Variants in STOX1 observed in about 807,000 individuals in gnomAD.
The protein encoded by STOX1 is storkhead-box protein 1.
Under a neutral mutation model 74.8 loss-of-function variants are expected in STOX1, and 57 were observed. The ratio of observed to expected loss-of-function variants is 0.76; its 90% CI spans 0.62 to 0.95. STOX1 has a LOEUF of 0.95. STOX1 is among the 40% of genes least tolerant of loss of function. The pLI is 0.00. For synonymous variants in STOX1, 375 were observed against 401.3 expected (o/e 0.93, Z 0.78); for missense variants, 1,010 against 1,117.0 (o/e 0.90, Z 1.37).
intron 1 of STOX1, among the ~76,000 whole-genome samples, chr10:68,856,809 AG>A (rs1840137012): frequency 6.6e-6 from 1 of 152,090 alleles, no homozygotes. Flanking sequence ...CTCATCTCTA[AG>A]AATTTCCAGG....
At chr10:68,863,212 A>G (rs1390234114) in intron 1 of STOX1, among the ~76,000 whole-genome samples, 1 of 152,114 alleles carries the variant, frequency 6.6e-6, no homozygotes, top group Non-Finnish European at 1.5e-5. Flanking sequence ...TACAGGCTAT[A>G]GAAGTGGTGG....
intron 1 of STOX1, among the ~76,000 whole-genome samples, chr10:68,862,357 CAA>C (rs984872991): frequency 4.6e-5 from 7 of 152,042 alleles, no homozygotes; most frequent in African/African-American, 7.3e-5. Context: ...AGAGGTCACA[CAA>C]GAGAACGATC....
At chr10:68,836,735 C>T (rs1220300972) in intron 1 of STOX1, among the ~76,000 whole-genome samples, 1 of 152,202 alleles carries the variant, frequency 6.6e-6, no homozygotes, top group African/African-American at 2.4e-5. Context: ...TGAACGGCTT[C>T]CTGCTCACTT....
intron 1 of STOX1, among the ~76,000 whole-genome samples, chr10:68,850,445 A>G (rs1019960873): frequency 5.9e-5 from 9 of 152,208 alleles, no homozygotes; most frequent in Admixed American, 1.3e-4. Flanking sequence ...AAAGTGCTGT[A>G]GAGCTCATTG....
At chr10:68,864,496 G>A (rs770770901) in intron 1 of STOX1, among the ~76,000 whole-genome samples, 36 of 152,186 alleles carry the variant, frequency 2.4e-4, no homozygotes, top group African/African-American at 8.0e-4. Context: ...TTCTGCCTTC[G>A]TGAGAGGGAC....
At chr10:68,851,254 C>G (rs1163180) in intron 1 of STOX1, among the ~76,000 whole-genome samples, 9,000 of 144,710 alleles carry the variant, frequency 0.062, 317 homozygotes, top group Middle Eastern at 0.11. Flanking sequence ...AGTGAGCTGT[C>G]ATTGTATCAC....
Position 68,885,851 on chromosome 10 carries a change from A to G in STOX1, c.2055A>G (p.Ala685=). The stretch of plus-strand genomic sequence containing the variant: ...GCGTGAACCCTTTAAGACAAGCTGC[A>G]AGACAAGACAAAGACTCAGAAGAAT... ...PVGVNPLRQA[A]RQDKDSEELL... Residue 685 remains alanine, a synonymous_variant, in exon 3 of 4, where the codon GCA becomes GCG. Transcript: ENST00000298596. The G allele has an allele frequency of 3.1e-6, 5 of 1,614,096 alleles. No individual in the cohort carries two copies. The highest frequency in any genetic ancestry group is 4.2e-6 in the Non-Finnish European group (5 of 1,180,044).
chr10:68,854,097 G>A (rs1308755768), intron 1 of STOX1, among the ~76,000 whole-genome samples: 1 of 151,930 alleles, frequency 6.6e-6, no homozygotes, highest in Non-Finnish European at 1.5e-5. Flanking sequence ...CCAGGTTCAA[G>A]TGATTCCCCT....
chr10:68,852,248 G>GATTTTTTTTTTTTTTT lies in STOX1; in HGVS notation c.310+24315_310+24316insATTTTTTTTTTTTTTT, dbSNP rs200461358. On this transcript the variant is annotated intron_variant, in intron 1 of 3. Transcript: ENST00000298596. ...TATGAGTTTAAGTTTTTCTCTTACTGCTTTTTTTTTTTTTTTTTTTTGAGA... is the reference window on the plus strand; with the variant it reads ...TATGAGTTTAAGTTTTTCTCTTACTGATTTTTTTTTTTTTTTCTTTTTTTTTTTTTTTTTTTTGAGA... 2.3e-5 allele frequency among the ~76,000 whole-genome samples: 3 copies of GATTTTTTTTTTTTTTT among 132,210 alleles called. 1 individual carries two copies. The highest frequency in any genetic ancestry group is 1.6e-5 in the Non-Finnish European group (1 of 62,218). 86.7% of individuals were successfully genotyped at this position (132,210 alleles called of 152,430 possible). A position where few individuals can be genotyped will look rare whatever the true frequency, so the allele number is the denominator to read the frequency against.
In STOX1 at chr10:68,884,894, C is replaced by A; in HGVS notation, c.1098C>A (p.Asn366Lys). 1 of 1,613,994 alleles carries A rather than the reference C, an allele frequency of 6.2e-7. No individual in the cohort carries two copies. Among genetic ancestry groups the A allele is most frequent in the Non-Finnish European group, 8.5e-7 (1 of 1,179,966 alleles). The change falls in exon 3 of 4, where the codon AAC (asparagine) becomes AAA (lysine). Residue 366 changes from asparagine to lysine, a missense_variant. Transcript: ENST00000298596. ...AACATGAGATAATCAAACGAATTAA[C>A]CCCATTTTGACTGTTGACAATTTAA... is the stretch of plus-strand genomic sequence containing the variant. ...DVEHEIIKRI[N>K]PILTVDNLIK...
chr10:68,870,252 T>G (rs80135447), intron 1 of STOX1, among the ~76,000 whole-genome samples: 2,546 of 152,274 alleles, frequency 0.017, 71 homozygotes, highest in African/African-American at 0.058. Context: ...TGACTAGACC[T>G]GTTAGTCACT....
Position 68,839,874 on chromosome 10 carries a change from C to CAAACA in STOX1, c.310+11965_310+11969dup, listed in dbSNP as rs759884305. On this transcript the variant is annotated intron_variant, in intron 1 of 3. Coordinates refer to ENST00000298596, the MANE Select transcript of STOX1 (RefSeq NM_152709.5). Reference sequence around the variant, plus strand: ...CACTACACAGAGTGAGACTCCGTTTCAAACAAAACAAAACAAAACAAAACA... The same window carrying CAAACA: ...CACTACACAGAGTGAGACTCCGTTTCAAACAAAACAAAACAAAACAAAACAAAACA... Among the ~76,000 whole-genome samples the CAAACA allele has an allele frequency of 1.2e-3, 189 of 151,938 alleles. 2 individuals carry two copies. In the South Asian group the frequency reaches 0.015, roughly 12 times the overall value.
chr10:68,860,569 C>CAAAA (rs11353333), intron 1 of STOX1, among the ~76,000 whole-genome samples: 12 of 63,590 alleles, frequency 1.9e-4, no homozygotes, highest in African/African-American at 2.5e-4. Flanking sequence ...GACTCTGTCT[C>CAAAA]AAAAAAAAAA....
At chr10:68,855,986 C>T (rs1840116771) in intron 1 of STOX1, among the ~76,000 whole-genome samples, 1 of 152,088 alleles carries the variant, frequency 6.6e-6, no homozygotes, top group Non-Finnish European at 1.5e-5. Context: ...GGACCATCCC[C>T]TACTGTCTGT....
chr10:68,880,164 C>CTTTTTTTTTT (rs71028800), intron 1 of STOX1, among the ~76,000 whole-genome samples: 93 of 124,364 alleles, frequency 7.5e-4, no homozygotes, highest in Non-Finnish European at 9.0e-4. Context: ...TCTTTCTTTC[C>CTTTTTTTTTT]TTTTTTTTTT....
chr10:68,859,301 G>A (rs1219138908), intron 1 of STOX1, among the ~76,000 whole-genome samples: 1 of 152,116 alleles, frequency 6.6e-6, no homozygotes, highest in Non-Finnish European at 1.5e-5. Flanking sequence ...TTGAACAGCT[G>A]TGACAGTTCT....
chr10:68,844,554 C>T (rs1839785201), intron 1 of STOX1, among the ~76,000 whole-genome samples: 1 of 152,072 alleles, frequency 6.6e-6, no homozygotes, highest in Non-Finnish European at 1.5e-5. Flanking sequence ...TGGCCTCAGC[C>T]TCCCAAAGCA....
At chr10:68,852,988 T>A (rs181352273) in intron 1 of STOX1, among the ~76,000 whole-genome samples, 35 of 151,228 alleles carry the variant, frequency 2.3e-4, no homozygotes, top group Non-Finnish European at 4.4e-4. Flanking sequence ...AATGGTGCAA[T>A]CTTGGCTCAC....
chr10:68,892,179 G>A (rs1841113961), intron 3 of STOX1, among the ~76,000 whole-genome samples: 1 of 151,932 alleles, frequency 6.6e-6, no homozygotes, highest in Non-Finnish European at 1.5e-5. Flanking sequence ...GTTCCTTCTA[G>A]AAAAGAACAT....
Sources: gnomAD v4.1 joint callset for allele counts (sites outside exome capture counted in the v4.1 genomes callset) on GRCh38, gnomAD v4.1.1 for gene constraint, MANE v1.5 for transcripts, NCBI Gene and HGNC (gene_info 2026-07-23, HGNC 2026-07-21) for gene names.